PTPRD: variants seen among roughly 807,000 people sequenced by gnomAD.
PTPRD encodes the protein receptor-type tyrosine-protein phosphatase delta.
PTPRD carries 34 observed loss-of-function variants against 214.5 expected under a neutral mutation model. The observed-to-expected ratio is 0.16, with a 90% CI of 0.12 to 0.21. The LOEUF (loss-of-function observed/expected upper bound fraction) is 0.21. Ranked by LOEUF, PTPRD falls within the 10% of genes least tolerant of loss-of-function variation. PTPRD has a pLI of 1.00. For synonymous variants in PTPRD, 1,128 were observed against 845.7 expected (o/e 1.33, Z -5.79); for missense variants, 2,545 against 2,398.7 (o/e 1.06, Z -1.27).
At chr9:9,073,174 C>A (rs1414938583) in intron 10 of PTPRD, among the ~76,000 whole-genome samples, 2 of 152,182 alleles carry the variant, frequency 1.3e-5, no homozygotes, top group Non-Finnish European at 2.9e-5. Context: ...CACCCAGAAT[C>A]TAACTTGAAC....
intron 2 of PTPRD, among the ~76,000 whole-genome samples, chr9:10,394,269 T>C (rs920242905): frequency 2.7e-5 from 4 of 147,980 alleles, no homozygotes; most frequent in African/African-American, 7.3e-5. Flanking sequence ...ATTTGTCTTA[T>C]ATAAGTAAAA....
At chr9:9,143,612 C>G (rs1358181690) in intron 10 of PTPRD, among the ~76,000 whole-genome samples, 1 of 152,162 alleles carries the variant, frequency 6.6e-6, no homozygotes, top group Non-Finnish European at 1.5e-5. Flanking sequence ...AGGAGATCAT[C>G]CCAATATGGG....
chr9:9,220,010 T>C (rs553594659), intron 9 of PTPRD, among the ~76,000 whole-genome samples: 1 of 152,276 alleles, frequency 6.6e-6, no homozygotes, highest in Non-Finnish European at 1.5e-5. Flanking sequence ...ATAAACGGTA[T>C]CATAAAATAC....
chr9:9,325,305 T>A (rs1055728143), intron 9 of PTPRD, among the ~76,000 whole-genome samples: 2 of 152,198 alleles, frequency 1.3e-5, no homozygotes, highest in Admixed American at 6.5e-5. Context: ...TTCACGATAT[T>A]GATTCTTCCT....
chr9:8,879,063 T>G (rs1158244497), intron 11 of PTPRD, among the ~76,000 whole-genome samples: 3 of 152,196 alleles, frequency 2.0e-5, no homozygotes, highest in Admixed American at 6.5e-5. Context: ...AATGGAATAG[T>G]AGGCCTAAGT....
At chr9:10,022,631 CAGTG>C (rs2096845741) in intron 4 of PTPRD, among the ~76,000 whole-genome samples, 1 of 152,094 alleles carries the variant, frequency 6.6e-6, no homozygotes, top group Admixed American at 6.5e-5. Flanking sequence ...AATTTTTACA[CAGTG>C]AGTATTTCAT....
At chr9:9,362,458 A>G (rs2056519668) in intron 9 of PTPRD, among the ~76,000 whole-genome samples, 1 of 151,296 alleles carries the variant, frequency 6.6e-6, no homozygotes, top group African/African-American at 2.4e-5. Context: ...CAAGGATGAT[A>G]CAGTTCAAGG....
intron 2 of PTPRD, among the ~76,000 whole-genome samples, chr9:10,509,978 G>A (rs1290931045): frequency 6.6e-6 from 1 of 151,924 alleles, no homozygotes; most frequent in Non-Finnish European, 1.5e-5. Context: ...ATTGGTAGCT[G>A]CTTTCTACAA....
At chr9:8,408,673 A>C (rs2130859009) in intron 35 of PTPRD, among the ~76,000 whole-genome samples, 1 of 152,294 alleles carries the variant, frequency 6.6e-6, no homozygotes. Context: ...TGAAAGACAG[A>C]TATTGGATGA....
intron 14 of PTPRD, among the ~76,000 whole-genome samples, chr9:8,550,906 C>T (rs10977198): frequency 0.03 from 4,500 of 152,256 alleles, 92 homozygotes; most frequent in Non-Finnish European, 0.042. Context: ...ATATTCTCTC[C>T]ACGGGCCTGT....
At chr9:8,556,780 T>A (rs998631473) in intron 14 of PTPRD, among the ~76,000 whole-genome samples, 12 of 152,084 alleles carry the variant, frequency 7.9e-5, no homozygotes, top group African/African-American at 2.7e-4. Context: ...CAGAAAATAT[T>A]TGAAGTTACA....
chr9:8,759,251 T>C (rs1367371767), intron 11 of PTPRD, among the ~76,000 whole-genome samples: 1 of 152,094 alleles, frequency 6.6e-6, no homozygotes, highest in East Asian at 1.9e-4. Flanking sequence ...AGGGTTCTAC[T>C]ATGTTGATCA....
At chr9:10,512,143 A>G (rs1443649282) in intron 2 of PTPRD, among the ~76,000 whole-genome samples, 3 of 148,390 alleles carry the variant, frequency 2.0e-5, no homozygotes, top group Admixed American at 1.4e-4. Flanking sequence ...TATAGATGGC[A>G]TGGTAATAAG....
rs368796181 is a variant in PTPRD at position 8,915,685 on chromosome 9, C to A, written c.-104+103012G>T. Among the ~76,000 whole-genome samples the A allele has an allele frequency of 6.8e-4, 104 of 152,198 alleles. 1 individual carries two copies. Among genetic ancestry groups the A allele is most frequent in the African/African-American group, 2.4e-3 (99 of 41,526 alleles). Reference sequence around the variant, plus strand: ...GAAGAGATGATGTTTCAACTCAAGTCCGAAGGCAGAAAAAAATCCAATGTC... The same window carrying A: ...GAAGAGATGATGTTTCAACTCAAGTACGAAGGCAGAAAAAAATCCAATGTC... On this transcript the variant is annotated intron_variant, in intron 11 of 45. Transcript: ENST00000381196.
intron 2 of PTPRD, among the ~76,000 whole-genome samples, chr9:10,497,737 T>C (rs1355651330): frequency 1.3e-5 from 2 of 152,032 alleles, no homozygotes; most frequent in Non-Finnish European, 2.9e-5. Flanking sequence ...AATGTGTGTA[T>C]ATACTTAACT....
intron 3 of PTPRD, among the ~76,000 whole-genome samples, chr9:10,069,027 T>C (rs2097940244): frequency 6.6e-6 from 1 of 152,010 alleles, no homozygotes; most frequent in Non-Finnish European, 1.5e-5. Context: ...ATTAGTTCTT[T>C]GTCCTCTTTT....
intron 2 of PTPRD, among the ~76,000 whole-genome samples, chr9:10,594,788 G>A (rs10809128): frequency 0.26 from 39,241 of 151,676 alleles, 5,796 homozygotes; most frequent in Admixed American, 0.34. Flanking sequence ...GGGCAGCTGG[G>A]CATAAAATAT....
chr9:9,738,169 G>C (rs951952427), intron 6 of PTPRD, among the ~76,000 whole-genome samples: 4 of 152,054 alleles, frequency 2.6e-5, no homozygotes, highest in Admixed American at 2.6e-4. Context: ...GAGTTAACGG[G>C]TGAGGCACAC....
intron 2 of PTPRD, among the ~76,000 whole-genome samples, chr9:10,485,949 G>A (rs984927689): frequency 6.6e-6 from 1 of 151,728 alleles, no homozygotes; most frequent in Admixed American, 6.6e-5. Flanking sequence ...GTAATGTTGA[G>A]CTTCTTTCAT....
Sources: gnomAD v4.1 joint callset for allele counts (sites outside exome capture counted in the v4.1 genomes callset) on GRCh38, gnomAD v4.1.1 for gene constraint, MANE v1.5 for transcripts, NCBI Gene and HGNC (gene_info 2026-07-23, HGNC 2026-07-21) for gene names.